Variants in FTO observed in about 807,000 individuals in gnomAD.
FTO encodes FTO alpha-ketoglutarate dependent dioxygenase.
A neutral mutation model predicts 63.9 loss-of-function variants in FTO; 47 were observed. The observed-to-expected ratio is 0.74, with a 90% confidence interval of 0.58 to 0.94. The LOEUF (loss-of-function observed/expected upper bound fraction) is 0.94. Ranked by LOEUF, FTO falls within the 40% of genes least tolerant of loss-of-function variation. FTO has a pLI of 0.00. For synonymous variants in FTO, 207 were observed against 224.4 expected (o/e 0.92, Z 0.69); for missense variants, 562 against 618.1 (o/e 0.91, Z 0.96).
At chr16:53,921,857 G>GAT (rs148355602) in intron 7 of FTO, among the ~76,000 whole-genome samples, 1,571 of 151,216 alleles carry the variant, frequency 0.01, 15 homozygotes, top group Middle Eastern at 0.031. Context: ...TACTTTTTGT[G>GAT]ATATATATAT....
At chr16:54,013,954 A>T (rs1423191880) in intron 8 of FTO, among the ~76,000 whole-genome samples, 1 of 152,190 alleles carries the variant, frequency 6.6e-6, no homozygotes, top group Non-Finnish European at 1.5e-5. Context: ...TAAAAAGGAC[A>T]TTTGAAAGTC....
intron 1 of FTO, among the ~76,000 whole-genome samples, chr16:53,741,653 C>T (rs1014675204): frequency 2.0e-5 from 3 of 152,144 alleles, no homozygotes; most frequent in Non-Finnish European, 4.4e-5. Context: ...CAGGATCTTT[C>T]CAGTGTCCTC....
In FTO at chr16:53,808,594, T is replaced by C. The variant is rs74018598; in HGVS notation, c.46-1546T>C. ...TACCCAAAAGGAAGTTTCCTCTGACTACTCTGATTGTGATGGGTTTGTGAG... is the reference window on the plus strand; with the variant it reads ...TACCCAAAAGGAAGTTTCCTCTGACCACTCTGATTGTGATGGGTTTGTGAG... On this transcript the variant is annotated intron_variant, in intron 1 of 8. Transcript: ENST00000471389. 5.2e-3 allele frequency among the ~76,000 whole-genome samples: 794 copies of C among 152,306 alleles called. 6 individuals carry two copies. Among genetic ancestry groups the C allele is most frequent in the African/African-American group, 0.018 (765 of 41,556 alleles).
At chr16:53,790,579 CAAAAAAA>C (rs34860208) in intron 1 of FTO, among the ~76,000 whole-genome samples, 3 of 55,224 alleles carry the variant, frequency 5.4e-5, no homozygotes, top group Non-Finnish European at 9.7e-5. Context: ...CAAAATAAAG[CAAAAAAA>C]AAAAAAAAAA....
chr16:53,777,214 T>C (rs1487596857), intron 1 of FTO, among the ~76,000 whole-genome samples: 1 of 152,168 alleles, frequency 6.6e-6, no homozygotes, highest in Non-Finnish European at 1.5e-5. Flanking sequence ...CCCCTTTCTC[T>C]GCTCTATCCC....
At chr16:53,891,381 C>A (rs904189896) in intron 7 of FTO, among the ~76,000 whole-genome samples, 1 of 150,618 alleles carries the variant, frequency 6.6e-6, no homozygotes, top group Non-Finnish European at 1.5e-5. Flanking sequence ...TAAAATCTGG[C>A]CCAGCATGGT....
chr16:53,779,751 A>G (rs1320878349), intron 1 of FTO, among the ~76,000 whole-genome samples: 5 of 150,558 alleles, frequency 3.3e-5, no homozygotes, highest in Admixed American at 2.0e-4. Context: ...TTTATCTCAA[A>G]CCTCTTATTA....
At chr16:53,833,425 A>G (rs1598776336) in intron 3 of FTO, among the ~76,000 whole-genome samples, 1 of 152,264 alleles carries the variant, frequency 6.6e-6, no homozygotes, top group South Asian at 2.1e-4. Flanking sequence ...AATATACCAC[A>G]TTTTGTTGAT....
At chr16:53,819,486 T>A (rs1050572060) in intron 2 of FTO, among the ~76,000 whole-genome samples, 12 of 152,176 alleles carry the variant, frequency 7.9e-5, no homozygotes, top group African/African-American at 2.9e-4. Context: ...AATTTTTTTA[T>A]GTGCTAAGAG....
intron 1 of FTO, among the ~76,000 whole-genome samples, chr16:53,774,845 GTTGTAGTTGGGATCAGGAAGGTACCA>G (rs1262563203): frequency 2.0e-5 from 3 of 152,146 alleles, no homozygotes; most frequent in African/African-American, 7.2e-5. Context: ...CACAACCATA[GTTGTAGTTGGGATCAGGAAGGTACCA>G]CCATTACAAC....
chr16:53,754,149 C>G (rs751618215), intron 1 of FTO, among the ~76,000 whole-genome samples: 1 of 151,998 alleles, frequency 6.6e-6, no homozygotes, highest in African/African-American at 2.4e-5. Context: ...TGATGTAAAC[C>G]CATCCATTTG....
chr16:53,894,356 C>T (rs977705643), intron 7 of FTO, among the ~76,000 whole-genome samples: 1 of 152,098 alleles, frequency 6.6e-6, no homozygotes, highest in Non-Finnish European at 1.5e-5. Flanking sequence ...CTGAGCCGAG[C>T]AGTAGTTTGT....
intron 1 of FTO, among the ~76,000 whole-genome samples, chr16:53,788,535 G>A (rs2077811735): frequency 6.6e-6 from 1 of 150,970 alleles, no homozygotes; most frequent in South Asian, 2.1e-4. Context: ...CCCGGGAGGT[G>A]GAAATTGCAG....
chr16:53,793,789 G>T (rs1212325905), intron 1 of FTO, among the ~76,000 whole-genome samples: 2 of 152,042 alleles, frequency 1.3e-5, no homozygotes, highest in East Asian at 3.9e-4. Context: ...ATAATAAAAT[G>T]AGAAATAAAA....
intron 8 of FTO, among the ~76,000 whole-genome samples, chr16:54,017,597 T>TC (rs1406733126): frequency 1.3e-5 from 2 of 152,212 alleles, no homozygotes; most frequent in African/African-American, 4.8e-5. Context: ...ATAAGAATTT[T>TC]CCCCAATGGG....
chr16:54,065,017 G>A (rs4784353), intron 8 of FTO, among the ~76,000 whole-genome samples: 9,513 of 152,126 alleles, frequency 0.063, 411 homozygotes, highest in East Asian at 0.14. Context: ...GCCCCCACCC[G>A]CCTGACTCTG....
intron 8 of FTO, among the ~76,000 whole-genome samples, chr16:54,049,703 TGCCCCTC>T (rs2085269327): frequency 6.6e-6 from 1 of 152,204 alleles, no homozygotes; most frequent in Non-Finnish European, 1.5e-5. Flanking sequence ...CCCCTGGAGC[TGCCCCTC>T]CTTCCCTTCA....
intron 1 of FTO, among the ~76,000 whole-genome samples, chr16:53,728,733 A>G (rs575244091): frequency 6.6e-6 from 1 of 151,380 alleles, no homozygotes; most frequent in South Asian, 2.1e-4. Flanking sequence ...GAAGATGGGG[A>G]CAGTCTTCCA....
At chr16:53,861,410 C>T (rs2080170637) in intron 4 of FTO, among the ~76,000 whole-genome samples, 1 of 152,036 alleles carries the variant, frequency 6.6e-6, no homozygotes, top group South Asian at 2.1e-4. Context: ...TTTTAAATGT[C>T]ATTTATTTAT....
Sources: gnomAD v4.1 joint callset for allele counts (sites outside exome capture counted in the v4.1 genomes callset) on GRCh38, gnomAD v4.1.1 for gene constraint, MANE v1.5 for transcripts, NCBI Gene and HGNC (gene_info 2026-07-23, HGNC 2026-07-21) for gene names.